Variants in CATSPERD observed in about 807,000 individuals in gnomAD.
CATSPERD encodes cation channel sperm-associated auxiliary subunit delta.
In CATSPERD, 86 loss-of-function variants were observed where a neutral mutation model predicts 98.1. The ratio of observed to expected loss-of-function variants is 0.88; its 90% CI spans 0.74 to 1.05. CATSPERD has a LOEUF of 1.05. Ranked by LOEUF, CATSPERD falls within the 50% of genes least tolerant of loss-of-function variation. The pLI is 0.00. For synonymous variants in CATSPERD, 394 were observed against 390.2 expected (o/e 1.01, Z -0.12); for missense variants, 995 against 1,005.7 (o/e 0.99, Z 0.14).
chr19:5,765,313 T>G (rs2056516172), intron 16 of CATSPERD, among the ~76,000 whole-genome samples: 1 of 152,204 alleles, frequency 6.6e-6, no homozygotes, highest in African/African-American at 2.4e-5. Context: ...CACTGCAGTT[T>G]GAGAAGCATG....
intron 15 of CATSPERD, among the ~76,000 whole-genome samples, chr19:5,761,788 C>G (rs2056440129): frequency 6.6e-6 from 1 of 151,510 alleles, no homozygotes; most frequent in Non-Finnish European, 1.5e-5. Context: ...CTGCAATCTC[C>G]ACCTCCTGGG....
intron 18 of CATSPERD, among the ~76,000 whole-genome samples, chr19:5,770,731 T>C (rs1294870065): frequency 1.3e-5 from 2 of 152,070 alleles, no homozygotes; most frequent in Non-Finnish European, 2.9e-5. Flanking sequence ...CAGTGAGTCA[T>C]GACTGCATTA....
Position 5,763,847 on chromosome 19 carries a change from C to CT in CATSPERD, c.1506+572dup, listed in dbSNP as rs56352544. Among the ~76,000 whole-genome samples the CT allele has an allele frequency of 1.1e-3, 70 of 62,136 alleles. 4 individuals are homozygous for CT. Among genetic ancestry groups the CT allele is most frequent in the Middle Eastern group, 0.012 (1 of 86 alleles). The allele number at this position is 62,136 out of a possible 152,430, so 40.8% of individuals were successfully genotyped here. The stretch of plus-strand genomic sequence containing the variant: ...TGTTGGCCAGGCTGGTCTTGAACTC[C>CT]TTTTTTTTTTTTTTTTTTGACATGG... On this transcript the variant is annotated intron_variant, in intron 16 of 21. Coordinates refer to ENST00000381624, the MANE Select transcript of CATSPERD (RefSeq NM_152784.4).
chr19:5,727,419 C>G, intron 3 of CATSPERD, 75 bp downstream of exon 3: 1 of 1,126,316 alleles, frequency 8.9e-7, no homozygotes, highest in Non-Finnish European at 1.3e-6. Context: ...ATTCGTTCAA[C>G]AAACAGTAAA....
At chr19:5,765,207 C>A (rs1380995392) in intron 16 of CATSPERD, among the ~76,000 whole-genome samples, 1 of 152,176 alleles carries the variant, frequency 6.6e-6, no homozygotes, top group African/African-American at 2.4e-5. Flanking sequence ...CTGCGCCTGG[C>A]CCATGTTTGT....
intron 1 of CATSPERD, among the ~76,000 whole-genome samples, chr19:5,722,843 C>T (rs901187678): frequency 6.6e-5 from 10 of 151,964 alleles, no homozygotes; most frequent in East Asian, 1.9e-4. Context: ...GCCCCGAATA[C>T]CTTGTTGCAG....
chr19:5,739,995 T>G (rs561355496), intron 7 of CATSPERD, among the ~76,000 whole-genome samples: 1 of 152,136 alleles, frequency 6.6e-6, no homozygotes, highest in African/African-American at 2.4e-5. Flanking sequence ...AAAAAGCTAG[T>G]GACAGGCCAG....
chr19:5,763,102 AGATG>A (rs1240097110), intron 15 of CATSPERD, 109 bp from the exon 16 acceptor site: 15 of 734,174 alleles, frequency 2.0e-5, no homozygotes, highest in East Asian at 5.4e-5. Context: ...AGGATGGATG[AGATG>A]GATGGATGGA....
rs2055864377 is a variant in CATSPERD at position 5,737,202 on chromosome 19, T to G, written c.456T>G (p.Cys152Trp). Residue 152 changes from cysteine (C) to tryptophan (W), a missense_variant, in exon 6 of 22, where the codon TGT (cysteine) becomes TGG (tryptophan). By Grantham distance (215) the Cys-to-Trp change is radical. Around this residue, in one of 3 missense-constraint regions of CATSPERD, gnomAD observed 228 missense variants for 209.6 expected, o/e 1.09. Coordinates refer to ENST00000381624, the MANE Select transcript of CATSPERD (RefSeq NM_152784.4). ...DNCCYTGSLF[C>W]VHVSNLVFAY... ...GTTGTTATACTGGAAGTTTGTTTTG[T>G]GTGGTAAGTATAAGTGTATAATTGT... The G allele has an allele frequency of 6.2e-7, 1 of 1,603,272 alleles. No homozygotes were observed. The highest frequency in any genetic ancestry group is 2.2e-5 in the East Asian group (1 of 44,790).
At chr19:5,764,031 A>G (rs1194389805) in intron 16 of CATSPERD, among the ~76,000 whole-genome samples, 1 of 142,492 alleles carries the variant, frequency 7.0e-6, no homozygotes, top group Non-Finnish European at 1.5e-5. Context: ...GTATTTTTAG[A>G]AGAAACTGGG....
At chr19:5,753,859 C>T (rs145925142) in intron 12 of CATSPERD, among the ~76,000 whole-genome samples, 2,412 of 151,506 alleles carry the variant, frequency 0.016, 80 homozygotes, top group African/African-American at 0.056. Flanking sequence ...GGCGACAGAG[C>T]GAGACCCTGT....
intron 2 of CATSPERD, among the ~76,000 whole-genome samples, chr19:5,726,699 A>C (rs905534278): frequency 6.6e-6 from 1 of 152,132 alleles, no homozygotes; most frequent in African/African-American, 2.4e-5. Flanking sequence ...TGAATTAAAA[A>C]AACTGTTTAT....
chr19:5,724,886 C>A (rs546423965), intron 2 of CATSPERD, 24 bp downstream of exon 2: 6 of 1,611,148 alleles, frequency 3.7e-6, no homozygotes, highest in Non-Finnish European at 5.1e-6. Flanking sequence ...TGCTTAAATT[C>A]ATCCTTCACT....
chr19:5,721,434 C>G (rs1242260456), intron 1 of CATSPERD, among the ~76,000 whole-genome samples: 1 of 152,154 alleles, frequency 6.6e-6, no homozygotes, highest in Non-Finnish European at 1.5e-5. Context: ...CGTGAGCCAC[C>G]GCGCCCAGCC....
At chr19:5,762,063 T>TC in intron 15 of CATSPERD, among the ~76,000 whole-genome samples, 1 of 71,104 alleles carries the variant, frequency 1.4e-5, no homozygotes, top group East Asian at 3.0e-4. Context: ...TATATATTTT[T>TC]TTTTTTTTTT....
chr19:5,757,015 C>T (rs942298261), intron 13 of CATSPERD, among the ~76,000 whole-genome samples: 2 of 151,888 alleles, frequency 1.3e-5, no homozygotes, highest in Non-Finnish European at 2.9e-5. Context: ...TTTAGGAGGC[C>T]GACACAGGCA....
intron 20 of CATSPERD, among the ~76,000 whole-genome samples, chr19:5,774,461 GGT>G (rs1242002452): frequency 2.6e-5 from 4 of 151,622 alleles, no homozygotes; most frequent in African/African-American, 9.7e-5. Context: ...GGGAGGCCAA[GGT>G]GGGCAGATTA....
chr19:5,749,230 G>C, intron 11 of CATSPERD, 47 bp downstream of exon 11: 1 of 1,408,774 alleles, frequency 7.1e-7, no homozygotes. Context: ...GGTGGTTCAC[G>C]CCTGTCATCC....
chr19:5,754,390 TG>T, intron 13 of CATSPERD, 145 bp downstream of exon 13: 1 of 456,126 alleles, frequency 2.2e-6, no homozygotes, highest in Non-Finnish European at 4.0e-6. Context: ...ATTGTCTCTG[TG>T]TCTTTTTTTT....
Sources: allele counts gnomAD v4.1 joint callset (sites outside exome capture counted in the v4.1 genomes callset), GRCh38; gene constraint gnomAD v4.1.1; regional missense constraint gnomAD v4.1.1; transcripts MANE v1.5; gene names NCBI Gene and HGNC (gene_info 2026-07-23, HGNC 2026-07-21).